Variants in ASCC3 observed in about 807,000 individuals in gnomAD.
ASCC3 encodes the protein ASC-1 complex subunit P200.
A neutral mutation model predicts 256.3 loss-of-function variants in ASCC3; 158 were observed. The ratio of observed to expected loss-of-function variants is 0.62; its 90% CI spans 0.54 to 0.70. ASCC3 has a LOEUF of 0.70. Ranked by LOEUF, ASCC3 falls within the 30% of genes least tolerant of loss-of-function variation. ASCC3 has a pLI of 0.00. For synonymous variants in ASCC3, 948 were observed against 883.4 expected, an observed-to-expected ratio of 1.07 and a Z score of -1.30; for missense variants, 2,259 against 2,626.0, an observed-to-expected ratio of 0.86 and a Z score of 3.05.
At chr6:100,530,089 A>C (rs1361867138) in intron 37 of ASCC3, among the ~76,000 whole-genome samples, 1 of 152,206 alleles carries the variant, frequency 6.6e-6, no homozygotes, top group Non-Finnish European at 1.5e-5. Flanking sequence ...TTCCAATTTA[A>C]ATTTGCAAGC....
chr6:100,779,782 CA>C (rs1357677587), intron 8 of ASCC3, among the ~76,000 whole-genome samples: 4 of 152,156 alleles, frequency 2.6e-5, no homozygotes, highest in African/African-American at 9.6e-5. Context: ...TTTATCTGAC[CA>C]GTTTGTTTCC....
chr6:100,588,189 G>C (rs1158782994), intron 36 of ASCC3, among the ~76,000 whole-genome samples: 1 of 152,146 alleles, frequency 6.6e-6, no homozygotes, highest in Admixed American at 6.5e-5. Flanking sequence ...ATAAGTGGTT[G>C]TTGTGAGGAT....
chr6:100,797,492 A>C (rs182932500), intron 8 of ASCC3, among the ~76,000 whole-genome samples: 3,427 of 150,318 alleles, frequency 0.023, 148 homozygotes, highest in African/African-American at 0.08. Context: ...AAAAAAAAAA[A>C]CTTAAAATTA....
intron 30 of ASCC3, among the ~76,000 whole-genome samples, chr6:100,609,813 G>T (rs1195999939): frequency 6.6e-6 from 1 of 152,096 alleles, no homozygotes; most frequent in Non-Finnish European, 1.5e-5. Context: ...CAGGAGGTGA[G>T]ACAGGAGAAT....
chr6:100,826,077 G>C (rs778286811), intron 4 of ASCC3, among the ~76,000 whole-genome samples: 4 of 151,718 alleles, frequency 2.6e-5, no homozygotes, highest in Non-Finnish European at 5.9e-5. Context: ...AAAAGCCTTT[G>C]GTTTTAATTT....
At chr6:100,579,918 G>A (rs1299261762) in intron 36 of ASCC3, among the ~76,000 whole-genome samples, 2 of 152,158 alleles carry the variant, frequency 1.3e-5, no homozygotes, top group Non-Finnish European at 2.9e-5. Flanking sequence ...GCTTTGGGCA[G>A]TATGGCCATT....
At chr6:100,671,729 A>G (rs1318185367) in intron 14 of ASCC3, among the ~76,000 whole-genome samples, 1 of 152,058 alleles carries the variant, frequency 6.6e-6, no homozygotes, top group African/African-American at 2.4e-5. Flanking sequence ...CCACGACTTT[A>G]CATAACGTTT....
intron 20 of ASCC3, among the ~76,000 whole-genome samples, chr6:100,649,853 T>A (rs1775569728): frequency 6.6e-6 from 1 of 151,740 alleles, no homozygotes; most frequent in Non-Finnish European, 1.5e-5. Flanking sequence ...AAATCTTTCA[T>A]TTGAAGGATA....
At chr6:100,874,484 AAAC>A (rs1310209547) in intron 1 of ASCC3, among the ~76,000 whole-genome samples, 2 of 151,488 alleles carry the variant, frequency 1.3e-5, no homozygotes, top group African/African-American at 4.8e-5. Flanking sequence ...AAAAAAAAAA[AAAC>A]AACTCATTGT....
chr6:100,825,588 T>G (rs181977358), intron 4 of ASCC3, among the ~76,000 whole-genome samples: 1 of 152,322 alleles, frequency 6.6e-6, no homozygotes, highest in Admixed American at 6.5e-5. Flanking sequence ...GTCTTGAGGT[T>G]GCTCTTCTTG....
At chr6:100,605,263 T>G (rs920057337) in intron 33 of ASCC3, among the ~76,000 whole-genome samples, 2 of 152,130 alleles carry the variant, frequency 1.3e-5, no homozygotes, top group Non-Finnish European at 2.9e-5. Flanking sequence ...AATAAGGCAA[T>G]GAGGTGTTAA....
intron 13 of ASCC3, among the ~76,000 whole-genome samples, chr6:100,697,261 T>A (rs1339756656): frequency 6.6e-6 from 1 of 151,988 alleles, no homozygotes; most frequent in Non-Finnish European, 1.5e-5. Context: ...AGTACCTAGT[T>A]AACAAGGCAA....
At chr6:100,634,533 A>G (rs1774729386) in intron 25 of ASCC3, among the ~76,000 whole-genome samples, 1 of 152,194 alleles carries the variant, frequency 6.6e-6, no homozygotes, top group African/African-American at 2.4e-5. Flanking sequence ...AAACTTACAC[A>G]ACTCAATAGC....
intron 13 of ASCC3, among the ~76,000 whole-genome samples, chr6:100,712,573 T>C (rs1379456101): frequency 6.6e-6 from 1 of 152,070 alleles, no homozygotes; most frequent in Non-Finnish European, 1.5e-5. Context: ...TTACACACCT[T>C]TTAGAATGGC....
intron 36 of ASCC3, among the ~76,000 whole-genome samples, chr6:100,584,151 T>C (rs927229710): frequency 6.6e-6 from 1 of 151,354 alleles, no homozygotes; most frequent in African/African-American, 2.4e-5. Context: ...TTGTTGACTT[T>C]CTGTCTCGTT....
intron 13 of ASCC3, among the ~76,000 whole-genome samples, chr6:100,699,847 G>C (rs930996129): frequency 1.2e-4 from 19 of 152,184 alleles, no homozygotes. Context: ...TTGAACTTGA[G>C]AGAGATGATT....
At chr6:100,524,329 A>G (rs1010031928) in intron 37 of ASCC3, among the ~76,000 whole-genome samples, 1 of 152,104 alleles carries the variant, frequency 6.6e-6, no homozygotes, top group Admixed American at 6.6e-5. Context: ...TTATCAACAT[A>G]TTTTTTGAAA....
chr6:100,586,575 G>A (rs551012591), intron 36 of ASCC3, among the ~76,000 whole-genome samples: 2 of 152,176 alleles, frequency 1.3e-5, no homozygotes, highest in East Asian at 3.9e-4. Flanking sequence ...GCTCACGCAC[G>A]GTGTGCTGCA....
rs547677402 is a variant in ASCC3, at chr6:100,788,990, G to A, written c.1395+9723C>T. ...AATCTACTACACTGTACCCCCAAAA[G>A]GGTGTATTTTATAGTAGTCAAATGA... is the stretch of plus-strand genomic sequence containing the variant. On this transcript the variant is annotated intron_variant, in intron 8 of 41. Transcript: ENST00000369162. Among the ~76,000 whole-genome samples, 32 of 151,838 alleles carry A rather than the reference G, an allele frequency of 2.1e-4. 1 individual carries two copies. The highest frequency in any genetic ancestry group is 7.5e-4 in the African/African-American group (31 of 41,432).
Sources: gnomAD v4.1 joint callset for allele counts (sites outside exome capture counted in the v4.1 genomes callset) on GRCh38, gnomAD v4.1.1 for gene constraint, MANE v1.5 for transcripts, NCBI Gene and HGNC (gene_info 2026-07-23, HGNC 2026-07-21) for gene names.